CNOT7: variants seen among roughly 807,000 people sequenced by gnomAD.
CNOT7 encodes the protein BTG1-binding factor 1.
In CNOT7, 4 loss-of-function variants were observed where a neutral mutation model predicts 37.1. That is an observed-to-expected ratio of 0.11 (90% CI 0.05 to 0.25). The LOEUF (loss-of-function observed/expected upper bound fraction) is 0.25. CNOT7 is among the 10% of genes least tolerant of loss of function. CNOT7 has a pLI of 1.00. For synonymous variants in CNOT7, 128 were observed against 115.6 expected (o/e 1.11, Z -0.69); for missense variants, 170 against 336.2 (o/e 0.51, Z 3.87).
rs183547045 is a variant in CNOT7 at position 17,245,410 on chromosome 8, T to C, written c.-95-163A>G. The stretch of plus-strand genomic sequence containing the variant: ...AACTTAAGGTCACACAGCTAGTCTA[T>C]AGGAAAAAAAGGACTACAGTACAGA... On this transcript the variant is annotated intron_variant, in intron 1 of 6. Coordinates refer to ENST00000361272, the MANE Select transcript of CNOT7 (RefSeq NM_013354.7). 1.7e-3 allele frequency among the ~76,000 whole-genome samples: 259 copies of C among 152,164 alleles called. No homozygotes were observed. Among genetic ancestry groups the C allele is most frequent in the African/African-American group, 5.8e-3 (241 of 41,522 alleles).
At chr8:17,244,987 CT>C in intron 2 of CNOT7, 48 bp downstream of exon 2, 1 of 1,405,298 alleles carries the variant, frequency 7.1e-7, no homozygotes, top group Non-Finnish European at 9.8e-7. Context: ...TTAAAATTTC[CT>C]TTTCCTCCTT....
intron 3 of CNOT7, chr8:17,241,695 T>G (rs1450159089): frequency 6.6e-6 from 1 of 152,194 alleles, no homozygotes; most frequent in African/African-American, 2.4e-5. Flanking sequence ...CACTCAACGT[T>G]ATCAATAAGT....
rs1314562184 is a variant in CNOT7, at chr8:17,228,825, T to TA, written c.*1894dup. The TA allele has an allele frequency of 1.3e-5, 2 of 152,018 alleles. No homozygotes were observed. Among genetic ancestry groups the TA allele is most frequent in the African/African-American group, 4.8e-5 (2 of 41,444 alleles). 9.4% of individuals were successfully genotyped at this position (152,018 alleles called of 1,614,324 possible). On this transcript the variant is annotated 3_prime_UTR_variant, in exon 7 of 7. Transcript: ENST00000361272. ...AAATAGTTGAACAGAATTTAAATAT[T>TA]AGTTTTCTCAGCTAACAAATCACAA...
In CNOT7 at chr8:17,227,504, T is replaced by C. The variant is rs1429380078; in HGVS notation, c.*3216A>G. 3.3e-5 allele frequency: 5 copies of C among 151,910 alleles called. No individual in the cohort carries two copies. The highest frequency in any genetic ancestry group is 1.2e-4 in the African/African-American group (5 of 41,434). 9.4% of individuals were successfully genotyped at this position (151,910 alleles called of 1,614,324 possible). A position where few individuals can be genotyped will look rare whatever the true frequency, so the allele number is the denominator to read the frequency against. On this transcript the variant is annotated 3_prime_UTR_variant, in exon 7 of 7. Transcript: ENST00000361272. ...TCTGGACACATGTCTTTGGGTTGGTTACTATCTTCAAGCACGATGTAATTC... is the reference window on the plus strand; with the variant it reads ...TCTGGACACATGTCTTTGGGTTGGTCACTATCTTCAAGCACGATGTAATTC...
chr8:17,241,488 C>G (rs1810158113), intron 3 of CNOT7: 1 of 152,114 alleles, frequency 6.6e-6, no homozygotes, highest in South Asian at 2.1e-4. Context: ...CTAAGCCCTA[C>G]TTTCGTAAAA....
intron 4 of CNOT7, 49 bp downstream of exon 4, chr8:17,237,163 C>A (rs370299770): frequency 6.4e-7 from 1 of 1,574,568 alleles, no homozygotes; most frequent in Non-Finnish European, 8.7e-7. Flanking sequence ...AAGTGTGGAG[C>A]AAGTATGAGA....
chr8:17,245,243 T>C lies in CNOT7; in HGVS notation c.-91A>G, dbSNP rs1422635025. The stretch of plus-strand genomic sequence containing the variant: ...CATAAAATATTTTATCCTTTATTTA[T>C]GTACCTGTCAAAATAAAAAAACAAT... On this transcript the variant is annotated 5_prime_UTR_variant, in exon 2 of 7. Coordinates refer to ENST00000361272, the MANE Select transcript of CNOT7 (RefSeq NM_013354.7). 2.3e-5 allele frequency: 31 copies of C among 1,325,564 alleles called. 1 individual carries two copies. Among genetic ancestry groups the C allele is most frequent in the Middle Eastern group, 5.5e-4 (2 of 3,648 alleles). The allele number at this position is 1,325,564 out of a possible 1,614,324, so 82.1% of individuals were successfully genotyped here.
In CNOT7 at chr8:17,246,791, C is replaced by G. The variant is rs968652545; in HGVS notation, c.-212G>C. On this transcript the variant is annotated 5_prime_UTR_variant, in exon 1 of 7. Coordinates refer to ENST00000361272, the MANE Select transcript of CNOT7 (RefSeq NM_013354.7). ...GGCAGCGGGTGCCCCATAGACACCT[C>G]TCGCCCAGCGAAGGGAAAGGCGAGC... 5 of 208,372 alleles carry G rather than the reference C, an allele frequency of 2.4e-5. No individual in the cohort carries two copies. The highest frequency in any genetic ancestry group is 5.8e-5 in the South Asian group (1 of 17,270). 12.9% of individuals were successfully genotyped at this position (208,372 alleles called of 1,614,324 possible). A position where few individuals can be genotyped will look rare whatever the true frequency, so the allele number is the denominator to read the frequency against.
In CNOT7 at chr8:17,229,038, G is replaced by C. The variant is rs1025858547; in HGVS notation, c.*1682C>G. On this transcript the variant is annotated 3_prime_UTR_variant, in exon 7 of 7. Transcript: ENST00000361272. ...AGTCAGTCCTTAATTAGCTAGTTGA[G>C]GTACTCATAAAGAACAAGAATAAGC... 6.6e-6 allele frequency: 1 copy of C among 151,856 alleles called. No homozygotes were observed. Among genetic ancestry groups the C allele is most frequent in the Admixed American group, 6.6e-5 (1 of 15,234 alleles). The allele number at this position is 151,856 out of a possible 1,614,324, so 9.4% of individuals were successfully genotyped here.
intron 3 of CNOT7, among the ~76,000 whole-genome samples, chr8:17,239,646 C>G (rs1809871064): frequency 6.6e-6 from 1 of 152,190 alleles, no homozygotes; most frequent in Non-Finnish European, 1.5e-5. Flanking sequence ...TGCTCACCAC[C>G]ACACCCAGCT....
rs1331767994 is a variant in CNOT7, at chr8:17,245,265, C to T, written c.-95-18G>A. 2 of 1,094,116 alleles carry T rather than the reference C, an allele frequency of 1.8e-6. No homozygotes were observed. Among genetic ancestry groups the T allele is most frequent in the African/African-American group, 1.6e-5 (1 of 61,682 alleles). The allele number at this position is 1,094,116 out of a possible 1,614,324, so 67.8% of individuals were successfully genotyped here. ...TTATGTACCTGTCAAAATAAAAAAA[C>T]AATATGAAGACCAGATATATCAAAT... On this transcript the variant is annotated intron_variant, in intron 1 of 6. Transcript: ENST00000361272.
intron 5 of CNOT7, 116 bp from the exon 6 acceptor site, chr8:17,232,653 A>T: frequency 2.4e-6 from 2 of 821,506 alleles, no homozygotes; most frequent in South Asian, 3.5e-5. Flanking sequence ...GTAAAGGTGA[A>T]TCTTATAAAG....
intron 3 of CNOT7, among the ~76,000 whole-genome samples, chr8:17,238,261 T>C (rs977763103): frequency 1.3e-5 from 2 of 152,382 alleles, no homozygotes; most frequent in East Asian, 1.9e-4. Flanking sequence ...TACTGGTTTC[T>C]ACCTCTTGGC....
chr8:17,243,672 C>G (rs1254898662), intron 2 of CNOT7: 2 of 456,286 alleles, frequency 4.4e-6, no homozygotes, highest in Non-Finnish European at 8.8e-6. Flanking sequence ...AAACAATATT[C>G]TCTCTATAGT....
At chr8:17,234,050 G>A (rs749547652) in intron 5 of CNOT7, among the ~76,000 whole-genome samples, 15 of 152,210 alleles carry the variant, frequency 9.9e-5, no homozygotes, top group Admixed American at 1.3e-4. Context: ...GCAAGGCTCC[G>A]TCTCAAAAAC....
intron 3 of CNOT7, among the ~76,000 whole-genome samples, chr8:17,238,493 C>T (rs970132402): frequency 6.7e-6 from 1 of 150,236 alleles, no homozygotes; most frequent in African/African-American, 2.4e-5. Context: ...ACAGAATAAA[C>T]CCAATGAAGT....
rs1387200103 is a variant in CNOT7 at position 17,228,848 on chromosome 8, C to T, written c.*1872G>A. ...ATTAGTTTTCTCAGCTAACAAATCACAAGCGAAAAGAAGCTTCACTTCCTT... is the reference window on the plus strand; with the variant it reads ...ATTAGTTTTCTCAGCTAACAAATCATAAGCGAAAAGAAGCTTCACTTCCTT... On this transcript the variant is annotated 3_prime_UTR_variant, in exon 7 of 7. Transcript: ENST00000361272. The T allele has an allele frequency of 2.0e-5, 3 of 151,956 alleles. No individual in the cohort carries two copies. The highest frequency in any genetic ancestry group is 6.6e-5 in the Admixed American group (1 of 15,236). 9.4% of individuals were successfully genotyped at this position (151,956 alleles called of 1,614,324 possible).
chr8:17,244,582 T>TGG (rs1810635764), intron 2 of CNOT7: 2 of 153,154 alleles, frequency 1.3e-5, no homozygotes, highest in Non-Finnish European at 2.9e-5. Context: ...AACCACAAAA[T>TGG]GACCAAGTAT....
chr8:17,235,723 G>A (rs1024314847), intron 4 of CNOT7, among the ~76,000 whole-genome samples: 5 of 152,054 alleles, frequency 3.3e-5, no homozygotes, highest in African/African-American at 9.7e-5. Flanking sequence ...TTATATTAGC[G>A]CTTAGGATTT....
Sources: allele counts gnomAD v4.1 joint callset (sites outside exome capture counted in the v4.1 genomes callset), GRCh38; gene constraint gnomAD v4.1.1; transcripts MANE v1.5; gene names NCBI Gene and HGNC (gene_info 2026-07-23, HGNC 2026-07-21).